SRGAP3: variants seen among roughly 807,000 people sequenced by gnomAD.
The protein encoded by SRGAP3 is SLIT-ROBO Rho GTPase-activating protein 3.
A neutral mutation model predicts 121.1 loss-of-function variants in SRGAP3; 39 were observed. The observed-to-expected ratio is 0.32, with a 90% CI of 0.25 to 0.42. The LOEUF is 0.42. SRGAP3 is among the 10% of genes least tolerant of loss of function. The probability of loss-of-function intolerance (pLI) is 1.00; values close to 1 mark genes in which losing one functional copy is unlikely to be tolerated. For synonymous variants in SRGAP3, 601 were observed against 570.0 expected, an observed-to-expected ratio of 1.05 and a Z score of -0.77; for missense variants, 1,213 against 1,470.6, an observed-to-expected ratio of 0.82 and a Z score of 2.86.
intron 3 of SRGAP3, among the ~76,000 whole-genome samples, chr3:9,320,525 C>A (rs897845241): frequency 2.6e-5 from 4 of 151,862 alleles, no homozygotes; most frequent in Non-Finnish European, 5.9e-5. Context: ...CCATGTGAGA[C>A]GACTCGCTCC....
chr3:9,089,365 A>G (rs1441942888), intron 3 of SRGAP3, among the ~76,000 whole-genome samples: 2 of 141,680 alleles, frequency 1.4e-5, no homozygotes, highest in Non-Finnish European at 3.0e-5. Context: ...AGAAAGTGGC[A>G]GAGCCAAGAT....
chr3:9,181,502 T>G (rs1951398883), intron 1 of SRGAP3, among the ~76,000 whole-genome samples: 1 of 152,198 alleles, frequency 6.6e-6, no homozygotes, highest in African/African-American at 2.4e-5. Context: ...AAAAATCTGC[T>G]TCTTCATGAA....
intron 1 of SRGAP3, among the ~76,000 whole-genome samples, chr3:9,125,818 G>A (rs1461235801): frequency 6.6e-6 from 1 of 152,164 alleles, no homozygotes; most frequent in Non-Finnish European, 1.5e-5. Context: ...CCAGCAACGT[G>A]CTCAGAAATA....
At chr3:9,122,667 C>T (rs1375294991) in intron 2 of SRGAP3, among the ~76,000 whole-genome samples, 4 of 150,312 alleles carry the variant, frequency 2.7e-5, no homozygotes, top group African/African-American at 9.9e-5. Flanking sequence ...CGAGATCGCA[C>T]CACTGCATTC....
intron 2 of SRGAP3, among the ~76,000 whole-genome samples, chr3:9,122,725 AAGG>A (rs1392490512): frequency 6.6e-6 from 1 of 151,682 alleles, no homozygotes; most frequent in African/African-American, 2.4e-5. Flanking sequence ...AAAAAAAAAA[AAGG>A]GAGAAGATAG....
chr3:9,318,906 A>G (rs1955396403), intron 3 of SRGAP3, among the ~76,000 whole-genome samples: 1 of 151,548 alleles, frequency 6.6e-6, no homozygotes, highest in South Asian at 2.1e-4. Context: ...AAAGAAAAGA[A>G]AGAAAGAAAA....
intron 1 of SRGAP3, among the ~76,000 whole-genome samples, chr3:9,362,237 C>T (rs550095822): frequency 1.6e-3 from 67 of 41,494 alleles, no homozygotes; most frequent in African/African-American, 9.5e-3. Context: ...ACAATCTTGG[C>T]TCTCTGCAAC....
intron 1 of SRGAP3, chr3:9,337,570 G>A (rs1308438472): frequency 6.6e-6 from 1 of 152,228 alleles, no homozygotes; most frequent in African/African-American, 2.4e-5. Flanking sequence ...TTTTCTCTCT[G>A]TGTCTTGCAG....
At chr3:9,360,758 C>T (rs971914668) in intron 1 of SRGAP3, among the ~76,000 whole-genome samples, 4 of 152,162 alleles carry the variant, frequency 2.6e-5, no homozygotes, top group Non-Finnish European at 2.9e-5. Flanking sequence ...TGCAGGGAAT[C>T]ACCCCCATGA....
At chr3:9,197,287 C>T (rs1253110961) in intron 1 of SRGAP3, among the ~76,000 whole-genome samples, 1 of 152,212 alleles carries the variant, frequency 6.6e-6, no homozygotes, top group East Asian at 1.9e-4. Context: ...CAGGACATGC[C>T]TGTCAAAGAG....
rs1452060753 is a variant in SRGAP3, at chr3:8,985,517, G to T, written c.*2C>A. 3.8e-6 allele frequency: 6 copies of T among 1,598,872 alleles called. No homozygotes were observed. The Admixed American group carries it at 1.0e-4, about 27-fold the overall frequency. ...CCACGGCGGCGCGGCCCATCCTGCA[G>T]GTCACATGGTGCCCGACTTGTCCGC... On this transcript the variant is annotated 3_prime_UTR_variant, in exon 22 of 22. Transcript: ENST00000383836. The surrounding 1 kb of genome is among the most constrained non-coding windows in gnomAD (Gnocchi z 5.1).
intron 3 of SRGAP3, among the ~76,000 whole-genome samples, chr3:9,266,648 G>T (rs1828554): frequency 0.35 from 52,389 of 151,372 alleles, 10,673 homozygotes; most frequent in Admixed American, 0.47. Flanking sequence ...TTTTGTTTTG[G>T]TTTGGTTTTG....
intron 1 of SRGAP3, among the ~76,000 whole-genome samples, chr3:9,220,394 T>A: frequency 6.6e-6 from 1 of 152,298 alleles, no homozygotes; most frequent in Non-Finnish European, 1.5e-5. Context: ...TCCACTCACC[T>A]CCAGGAGAGG....
intron 3 of SRGAP3, among the ~76,000 whole-genome samples, chr3:9,082,935 C>T (rs1300126615): frequency 5.3e-5 from 8 of 152,184 alleles, no homozygotes; most frequent in Admixed American, 5.2e-4. Context: ...ACAGCAGAAA[C>T]CTCGGAGGCA....
chr3:9,119,536 G>A lies in SRGAP3; in HGVS notation c.260+5189C>T, dbSNP rs368175935. ...GCTTCCTCCAGACACCTTCCTGATC[G>A]TGGTCCTAGCTTGGTGTGGGCTGCC... On this transcript the variant is annotated intron_variant, in intron 2 of 21. Coordinates refer to ENST00000383836, the MANE Select transcript of SRGAP3 (RefSeq NM_014850.4). 1.6e-4 allele frequency among the ~76,000 whole-genome samples: 25 copies of A among 152,262 alleles called. No individual in the cohort carries two copies. In the East Asian group the frequency reaches 1.7e-3, roughly 11 times the overall value.
rs1308760795 is a variant in SRGAP3 at position 9,025,322 on chromosome 3, C to T, written c.1617G>A (p.Gly539=). ...CCTGAGATCCTGGCACTCTGAAGATCCCCTGCTGCTGGAGTCCTAAAAAAG... is the reference window on the plus strand; with the variant it reads ...CCTGAGATCCTGGCACTCTGAAGATTCCCTGCTGCTGGAGTCCTAAAAAAG... ...YINLYGLQQQ[G]IFRVPGSQVE... Residue 539 remains glycine, a synonymous_variant, in exon 14 of 22, where the codon GGG becomes GGA. Coordinates refer to ENST00000383836, the MANE Select transcript of SRGAP3 (RefSeq NM_014850.4). 2 of 1,614,152 alleles carry T rather than the reference C, an allele frequency of 1.2e-6. No individual in the cohort carries two copies. The highest frequency in any genetic ancestry group is 1.7e-6 in the Non-Finnish European group (2 of 1,180,024).
intron 8 of SRGAP3, among the ~76,000 whole-genome samples, chr3:9,056,028 TTTTG>T (rs1405222742): frequency 1.3e-5 from 2 of 152,186 alleles, no homozygotes; most frequent in African/African-American, 4.8e-5. Flanking sequence ...GCCTCCCACC[TTTTG>T]TTTTTCTTCA....
intron 1 of SRGAP3, among the ~76,000 whole-genome samples, chr3:9,186,430 A>C (rs975894799): frequency 3.9e-5 from 6 of 152,180 alleles, no homozygotes; most frequent in African/African-American, 1.4e-4. Flanking sequence ...TATTTATTCT[A>C]TAACAGCACC....
At chr3:9,207,895 G>C (rs1444608708) in intron 1 of SRGAP3, among the ~76,000 whole-genome samples, 1 of 152,300 alleles carries the variant, frequency 6.6e-6, no homozygotes, top group South Asian at 2.1e-4. Flanking sequence ...CAACACATGA[G>C]GGATATTGTT....
Sources: gnomAD v4.1 joint callset for allele counts (sites outside exome capture counted in the v4.1 genomes callset) on GRCh38, gnomAD v4.1.1 for gene constraint, Gnocchi (gnomAD v3.1) non-coding constraint, MANE v1.5 for transcripts, NCBI Gene and HGNC (gene_info 2026-07-23, HGNC 2026-07-21) for gene names.